Variants in MDGA2 observed in about 807,000 individuals in gnomAD.
MDGA2 encodes MAM domain containing glycosylphosphatidylinositol anchor 2.
MDGA2 carries 40 observed loss-of-function variants against 117.8 expected under a neutral mutation model. The observed-to-expected ratio is 0.34, with a 90% CI of 0.26 to 0.44. The LOEUF (loss-of-function observed/expected upper bound fraction) is 0.44. Ranked by LOEUF, MDGA2 falls within the 20% of genes least tolerant of loss-of-function variation. The pLI is 1.00. For synonymous variants in MDGA2, 452 were observed against 439.0 expected (o/e 1.03, Z -0.37); for missense variants, 1,123 against 1,250.6 (o/e 0.90, Z 1.54).
At chr14:47,232,271 G>A (rs1886717221) in intron 2 of MDGA2, among the ~76,000 whole-genome samples, 1 of 151,898 alleles carries the variant, frequency 6.6e-6, no homozygotes. Flanking sequence ...TTTAGGGCAG[G>A]CTTCTTAATC....
chr14:46,927,423 G>T (rs1371896599), intron 9 of MDGA2, among the ~76,000 whole-genome samples: 4 of 151,984 alleles, frequency 2.6e-5, no homozygotes, highest in Admixed American at 2.6e-4. Flanking sequence ...CAATACTTAA[G>T]AAATTAAACA....
intron 2 of MDGA2, among the ~76,000 whole-genome samples, chr14:47,263,785 C>A (rs948298701): frequency 6.6e-6 from 1 of 152,066 alleles, no homozygotes; most frequent in Admixed American, 6.6e-5. Context: ...TTCTTTATAT[C>A]AAAATGAAAA....
rs1890093925 is a variant in MDGA2, at chr14:47,324,805, T to C, written c.281-23255A>G. 1.3e-5 allele frequency among the ~76,000 whole-genome samples: 2 copies of C among 151,996 alleles called. 1 individual carries two copies. The highest frequency in any genetic ancestry group is 4.1e-4 in the South Asian group (2 of 4,828). On this transcript the variant is annotated intron_variant, in intron 1 of 16. Coordinates refer to ENST00000399232, the MANE Select transcript of MDGA2 (RefSeq NM_001113498.3). Reference sequence around the variant, plus strand: ...CACCCTCGTGAAACAGAAAAAAGTGTTGTAAATGTTGTAATTCAGTATTGT... The same window carrying C: ...CACCCTCGTGAAACAGAAAAAAGTGCTGTAAATGTTGTAATTCAGTATTGT...
chr14:47,549,492 CTT>C (rs1895538342), intron 1 of MDGA2, among the ~76,000 whole-genome samples: 1 of 152,036 alleles, frequency 6.6e-6, no homozygotes, highest in Admixed American at 6.6e-5. Context: ...TACTATCAGA[CTT>C]TTCCTTTGGC....
At chr14:47,622,192 G>A (rs533045913) in intron 1 of MDGA2, among the ~76,000 whole-genome samples, 2 of 152,234 alleles carry the variant, frequency 1.3e-5, no homozygotes, top group South Asian at 2.1e-4. Context: ...TAAAGGTAAC[G>A]AAAAGGTAAC....
chr14:47,640,337 C>T (rs1211446331), intron 1 of MDGA2, among the ~76,000 whole-genome samples: 1 of 152,056 alleles, frequency 6.6e-6, no homozygotes, highest in African/African-American at 2.4e-5. Flanking sequence ...TTAACATTGA[C>T]ATGATTATGC....
At chr14:47,619,154 T>C (rs8010401) in intron 1 of MDGA2, among the ~76,000 whole-genome samples, 12,253 of 122,148 alleles carry the variant, frequency 0.1, 1,296 homozygotes, top group African/African-American at 0.29. Flanking sequence ...CACACACAGA[T>C]ACATTATCTA....
intron 7 of MDGA2, among the ~76,000 whole-genome samples, chr14:47,049,283 A>G (rs1889370878): frequency 6.6e-6 from 1 of 152,020 alleles, no homozygotes. Flanking sequence ...TTCACAGGAC[A>G]TGGAGATGGA....
At chr14:46,938,454 C>T (rs112206202) in intron 9 of MDGA2, among the ~76,000 whole-genome samples, 5 of 147,450 alleles carry the variant, frequency 3.4e-5, no homozygotes, top group African/African-American at 1.0e-4. Flanking sequence ...GCAGAAGAAT[C>T]GCCTAAACCC....
intron 9 of MDGA2, among the ~76,000 whole-genome samples, chr14:46,920,396 G>GCCAATCACC: frequency 6.6e-6 from 1 of 152,148 alleles, no homozygotes; most frequent in Non-Finnish European, 1.5e-5. Context: ...GGAGGAATGG[G>GCCAATCACC]ATTTTCATCA....
At chr14:47,018,732 T>C (rs75481166) in intron 8 of MDGA2, among the ~76,000 whole-genome samples, 1 of 19,374 alleles carries the variant, frequency 5.2e-5, no homozygotes, top group East Asian at 1.1e-3. Context: ...GCCATTTTAC[T>C]GAAAAAAAAA....
chr14:47,665,460 C>T (rs1897927376), intron 1 of MDGA2, among the ~76,000 whole-genome samples: 1 of 152,198 alleles, frequency 6.6e-6, no homozygotes, highest in Non-Finnish European at 1.5e-5. Flanking sequence ...TCCGCCGCTG[C>T]ACCGTGGGAG....
At chr14:47,548,207 TC>T (rs1594911309) in intron 1 of MDGA2, among the ~76,000 whole-genome samples, 1 of 152,200 alleles carries the variant, frequency 6.6e-6, no homozygotes, top group Non-Finnish European at 1.5e-5. Flanking sequence ...TTACATAGTT[TC>T]CTTTAGTTTG....
intron 1 of MDGA2, among the ~76,000 whole-genome samples, chr14:47,304,429 C>A (rs1007674609): frequency 1.3e-5 from 2 of 152,032 alleles, no homozygotes; most frequent in Non-Finnish European, 2.9e-5. Flanking sequence ...CCAAACTAGA[C>A]CCAGACCTAG....
intron 6 of MDGA2, among the ~76,000 whole-genome samples, chr14:47,066,810 G>A (rs979176529): frequency 6.6e-6 from 1 of 152,070 alleles, no homozygotes; most frequent in African/African-American, 2.4e-5. Context: ...TTCAGAAAAT[G>A]GTTAATGAGG....
intron 1 of MDGA2, among the ~76,000 whole-genome samples, chr14:47,529,459 C>T (rs1052129096): frequency 6.6e-6 from 1 of 152,062 alleles, no homozygotes; most frequent in South Asian, 2.1e-4. Flanking sequence ...TATCCCCCCC[C>T]TCAGGTATTT....
At chr14:47,425,179 T>C (rs192541792) in intron 1 of MDGA2, among the ~76,000 whole-genome samples, 1 of 152,260 alleles carries the variant, frequency 6.6e-6, no homozygotes, top group Non-Finnish European at 1.5e-5. Context: ...CCTTGAAAAA[T>C]GTGGTTCAAT....
At chr14:47,564,156 C>A (rs546292729) in intron 1 of MDGA2, among the ~76,000 whole-genome samples, 3 of 152,116 alleles carry the variant, frequency 2.0e-5, no homozygotes, top group Non-Finnish European at 4.4e-5. Context: ...TTGTAGGTGG[C>A]TGCCCCTTCT....
At chr14:47,374,948 A>T (rs1891443412) in intron 1 of MDGA2, among the ~76,000 whole-genome samples, 1 of 151,964 alleles carries the variant, frequency 6.6e-6, no homozygotes, top group Non-Finnish European at 1.5e-5. Flanking sequence ...ATTTACTTAT[A>T]TTTCAAAGAT....
Sources: gnomAD v4.1 joint callset for allele counts (sites outside exome capture counted in the v4.1 genomes callset) on GRCh38, gnomAD v4.1.1 for gene constraint, MANE v1.5 for transcripts, NCBI Gene and HGNC (gene_info 2026-07-23, HGNC 2026-07-21) for gene names.